ANK3: variants seen among roughly 807,000 people sequenced by gnomAD.
ANK3 encodes ankyrin 3.
Under a neutral mutation model 370.9 loss-of-function variants are expected in ANK3, and 57 were observed. That is an observed-to-expected ratio of 0.15 (90% confidence interval 0.12 to 0.19). ANK3 has a LOEUF of 0.19. ANK3 is among the 10% of genes least tolerant of loss of function. The probability of loss-of-function intolerance (pLI) is 1.00; values close to 1 mark genes in which losing one functional copy is unlikely to be tolerated. For synonymous variants in ANK3, 1,929 were observed against 1,946.3 expected (o/e 0.99, Z 0.23); for missense variants, 4,439 against 5,302.1 (o/e 0.84, Z 5.06).
intron 1 of ANK3, among the ~76,000 whole-genome samples, chr10:60,654,081 C>T (rs1286193061): frequency 1.3e-5 from 2 of 152,054 alleles, no homozygotes; most frequent in African/African-American, 2.4e-5. Flanking sequence ...TTTTTGAATG[C>T]TATTGTAAAT....
At chr10:60,305,526 G>T (rs1341616796) in intron 1 of ANK3, among the ~76,000 whole-genome samples, 1 of 151,910 alleles carries the variant, frequency 6.6e-6, no homozygotes, top group African/African-American at 2.4e-5. Flanking sequence ...TGTCTTTAGT[G>T]AGAAGAGACA....
At chr10:60,217,792 C>G (rs2096965006) in intron 8 of ANK3, among the ~76,000 whole-genome samples, 2 of 152,172 alleles carry the variant, frequency 1.3e-5, no homozygotes. Flanking sequence ...GAGCTGAATT[C>G]AAATCCTGAC....
At chr10:60,315,890 G>A (rs942360950) in intron 1 of ANK3, among the ~76,000 whole-genome samples, 1 of 152,108 alleles carries the variant, frequency 6.6e-6, no homozygotes, top group South Asian at 2.1e-4. Context: ...TATTATGAGC[G>A]ATAAGGTGAT....
At chr10:60,209,632 T>C (rs1450241831) in intron 9 of ANK3, among the ~76,000 whole-genome samples, 1 of 152,204 alleles carries the variant, frequency 6.6e-6, no homozygotes, top group Admixed American at 6.5e-5. Flanking sequence ...TCAAATATTT[T>C]AAACCGTAGA....
chr10:60,701,253 G>A (rs1448994477), intron 1 of ANK3, among the ~76,000 whole-genome samples: 1 of 151,854 alleles, frequency 6.6e-6, no homozygotes, highest in African/African-American at 2.4e-5. Context: ...TCTGGGCAAG[G>A]CTGTGAGAAA....
chr10:60,306,819 C>A (rs1306381440), intron 1 of ANK3, among the ~76,000 whole-genome samples: 1 of 152,144 alleles, frequency 6.6e-6, no homozygotes, highest in Non-Finnish European at 1.5e-5. Flanking sequence ...CGTGAACAAG[C>A]ATAAAGACTT....
intron 8 of ANK3, among the ~76,000 whole-genome samples, chr10:60,224,369 AGGAGG>A (rs1052334683): frequency 6.6e-6 from 1 of 152,140 alleles, no homozygotes; most frequent in African/African-American, 2.4e-5. Flanking sequence ...CTTATTAGTG[AGGAGG>A]GGAACTGCAC....
intron 35 of ANK3, 133 bp downstream of exon 35, chr10:60,082,016 AC>A: frequency 1.7e-6 from 1 of 577,540 alleles, no homozygotes; most frequent in Non-Finnish European, 2.9e-6. Context: ...AAAAATATAT[AC>A]CCTTTTACCT....
chr10:60,715,215 A>ATATGTG (rs145278199), intron 1 of ANK3, among the ~76,000 whole-genome samples: 2 of 147,192 alleles, frequency 1.4e-5, no homozygotes, highest in Non-Finnish European at 3.0e-5. Flanking sequence ...ACATATACAA[A>ATATGTG]TGTGTGTGTG....
rs545667843 is a variant in ANK3 at position 60,525,419 on chromosome 10, A to G, written c.96+89767T>C. 5.9e-5 allele frequency among the ~76,000 whole-genome samples: 9 copies of G among 152,262 alleles called. No homozygotes were observed. In the South Asian group the frequency reaches 1.5e-3, roughly 25 times the overall value. ...TTAATACACATGTTGTTTCAATAATATATAAAATTTAGAAGAGTTGAAGGA... is the reference window on the plus strand; with the variant it reads ...TTAATACACATGTTGTTTCAATAATGTATAAAATTTAGAAGAGTTGAAGGA... On this transcript the variant is annotated intron_variant, in intron 2 of 43. Transcript: ENST00000373827.
intron 2 of ANK3, among the ~76,000 whole-genome samples, chr10:60,523,510 C>T (rs1024367778): frequency 2.0e-5 from 3 of 150,160 alleles, no homozygotes; most frequent in South Asian, 2.1e-4. Flanking sequence ...TTTGTCCTTG[C>T]GATAGTTTGC....
At position 60,363,970 on chromosome 10, in the gene ANK3, GT is replaced by G. The variant is rs113960102; in HGVS notation, c.114+25454del. ...TAGTTAAAAAAGAGGAAGGAGAAGT[GT>G]TTTTTTTTTTTTTTTTTTTTTTTAA... On this transcript the variant is annotated intron_variant, in intron 1 of 43. Transcript: ENST00000280772. Among the ~76,000 whole-genome samples, 1,065 of 138,214 alleles carry G rather than the reference GT, an allele frequency of 7.7e-3. 23 individuals are homozygous for G. Among genetic ancestry groups the G allele is most frequent in the East Asian group, 0.055 (258 of 4,722 alleles). The allele number at this position is 138,214 out of a possible 152,430, so 90.7% of individuals were successfully genotyped here. A position where few individuals can be genotyped will look rare whatever the true frequency, so the allele number is the denominator to read the frequency against.
At chr10:60,475,465 T>C (rs1359945647) in intron 2 of ANK3, among the ~76,000 whole-genome samples, 22 of 152,214 alleles carry the variant, frequency 1.4e-4, no homozygotes, top group Admixed American at 1.4e-3. Context: ...GTTTTAGTCC[T>C]ATTTCAGAGC....
intron 14 of ANK3, 49 bp from the exon 15 acceptor site, chr10:60,196,674 G>T: frequency 7.9e-7 from 1 of 1,271,750 alleles, no homozygotes; most frequent in South Asian, 1.3e-5. Context: ...ATGACATAAG[G>T]AAAACACACA....
chr10:60,135,454 C>T (rs368926629), intron 24 of ANK3, among the ~76,000 whole-genome samples: 10 of 152,342 alleles, frequency 6.6e-5, no homozygotes, highest in African/African-American at 1.4e-4. Context: ...GAATTGGCTC[C>T]TCGGCAATGG....
intron 2 of ANK3, among the ~76,000 whole-genome samples, chr10:60,403,361 T>C (rs921549532): frequency 6.6e-6 from 1 of 152,164 alleles, no homozygotes; most frequent in Non-Finnish European, 1.5e-5. Flanking sequence ...AGCATAACCT[T>C]TGCACCAAAC....
chr10:60,079,919 C>A (rs528524544), intron 36 of ANK3, among the ~76,000 whole-genome samples: 1 of 151,794 alleles, frequency 6.6e-6, no homozygotes, highest in South Asian at 2.1e-4. Flanking sequence ...TGAACCAAAA[C>A]GATCATTGAG....
chr10:60,346,291 C>CA (rs2055465715), intron 1 of ANK3, among the ~76,000 whole-genome samples: 1 of 80,970 alleles, frequency 1.2e-5, no homozygotes, highest in African/African-American at 3.1e-5. Context: ...ATATGGCACA[C>CA]AAAAAAGGTT....
chr10:60,311,925 C>A (rs1292931960), intron 1 of ANK3, among the ~76,000 whole-genome samples: 1 of 152,148 alleles, frequency 6.6e-6, no homozygotes, highest in African/African-American at 2.4e-5. Flanking sequence ...ATTACTGGTT[C>A]ATAGTTTGTT....
Sources: gnomAD v4.1 joint callset for allele counts (sites outside exome capture counted in the v4.1 genomes callset) on GRCh38, gnomAD v4.1.1 for gene constraint, MANE v1.5 for transcripts, NCBI Gene and HGNC (gene_info 2026-07-23, HGNC 2026-07-21) for gene names.